The following C9orf85 variants were observed in gnomAD, a reference collection of about 807,000 sequenced individuals.
C9orf85 encodes the protein uncharacterized protein C9orf85.
In C9orf85, 16 loss-of-function variants were observed where a neutral mutation model predicts 14.9. That is an observed-to-expected ratio of 1.08 (90% CI 0.73 to 1.63). The LOEUF (loss-of-function observed/expected upper bound fraction) is 1.63, where lower values mean the gene tolerates loss of function less well. Ranked by LOEUF, C9orf85 falls within the 40% of genes most tolerant of loss-of-function variation. The pLI, the probability that C9orf85 is intolerant of heterozygous loss-of-function variation, is 0.00. For synonymous variants in C9orf85, 45 were observed against 56.8 expected (o/e 0.79, Z 0.93); for missense variants, 172 against 186.1 (o/e 0.92, Z 0.44).
At chr9:71,942,271 G>A (rs910334569) in intron 1 of C9orf85, among the ~76,000 whole-genome samples, 2 of 152,158 alleles carry the variant, frequency 1.3e-5, no homozygotes, top group African/African-American at 4.8e-5. Context: ...TGCGAGCATC[G>A]CTTACTGTAT....
intron 2 of C9orf85, among the ~76,000 whole-genome samples, chr9:71,969,889 A>AT (rs1256272737): frequency 1.3e-5 from 2 of 150,212 alleles, no homozygotes; most frequent in Non-Finnish European, 3.0e-5. Context: ...TCTGTTATTG[A>AT]TTTTTTGTTA....
downstream of C9orf85, among the ~76,000 whole-genome samples, chr9:71,977,902 A>C (rs1823034142): frequency 6.6e-6 from 1 of 152,188 alleles, no homozygotes; most frequent in Non-Finnish European, 1.5e-5. Flanking sequence ...GTCAATCATC[A>C]TACCTACTGA....
At chr9:71,959,012 T>C (rs1459525939) in intron 2 of C9orf85, among the ~76,000 whole-genome samples, 1 of 152,158 alleles carries the variant, frequency 6.6e-6, no homozygotes, top group Non-Finnish European at 1.5e-5. Flanking sequence ...CAATTATTTT[T>C]AACAAAACTT....
chr9:71,961,688 G>A (rs185084582), intron 2 of C9orf85, among the ~76,000 whole-genome samples: 12 of 152,212 alleles, frequency 7.9e-5, no homozygotes, highest in East Asian at 7.7e-4. Context: ...CTGTATTGTC[G>A]TTTGTTGCCC....
chr9:71,923,013 C>T (rs1484625314), intron 1 of C9orf85, among the ~76,000 whole-genome samples: 1 of 152,142 alleles, frequency 6.6e-6, no homozygotes, highest in Admixed American at 6.5e-5. Flanking sequence ...GCCTGTAACC[C>T]CACCTACTCG....
In C9orf85 at chr9:71,968,101, T is replaced by TATATAGAGAGAG. The variant is rs1554709461; in HGVS notation, c.210-3403_210-3402insTATAGAGAGAGA. Among the ~76,000 whole-genome samples, 45 of 146,818 alleles carry TATATAGAGAGAG rather than the reference T, an allele frequency of 3.1e-4. No homozygotes were observed. The East Asian group carries it at 8.4e-3, about 27-fold the overall frequency. On this transcript the variant is annotated intron_variant, in intron 2 of 3. Coordinates refer to ENST00000334731, the MANE Select transcript of C9orf85 (RefSeq NM_182505.5). ...ATCCATTGCTGCATATATATATATATAGAGAGAGAGAGAGAGAGTGCATGC... is the reference window on the plus strand; with the variant it reads ...ATCCATTGCTGCATATATATATATATATATAGAGAGAGAGAGAGAGAGAGAGAGAGTGCATGC...
intron 2 of C9orf85, among the ~76,000 whole-genome samples, chr9:71,967,780 G>T (rs1430492920): frequency 7.1e-6 from 1 of 141,280 alleles, no homozygotes; most frequent in Non-Finnish European, 1.5e-5. Context: ...ATGCTGAAAA[G>T]GAGTGTTGAG....
chr9:71,918,590 A>C (rs1827714773), intron 1 of C9orf85: 2 of 388,798 alleles, frequency 5.1e-6, no homozygotes, highest in South Asian at 2.2e-5. Context: ...ATTTACAGCC[A>C]CTCCCCAACT....
At chr9:71,972,195 T>G (rs1822893105) in intron 3 of C9orf85, among the ~76,000 whole-genome samples, 1 of 152,210 alleles carries the variant, frequency 6.6e-6, no homozygotes, top group South Asian at 2.1e-4. Context: ...CATCATATAT[T>G]AATTTATTTG....
At chr9:71,977,993 G>A (rs61513050), downstream of C9orf85, among the ~76,000 whole-genome samples, 5,961 of 152,266 alleles carry the variant, frequency 0.039, 403 homozygotes, top group African/African-American at 0.14. Context: ...AAGTGGTACA[G>A]TATTTCATCA....
intron 1 of C9orf85, among the ~76,000 whole-genome samples, chr9:71,934,905 A>G (rs1173644305): frequency 1.3e-5 from 2 of 152,156 alleles, no homozygotes; most frequent in Admixed American, 6.5e-5. Flanking sequence ...ATATAATACT[A>G]TAACTATTAC....
intron 1 of C9orf85, among the ~76,000 whole-genome samples, chr9:71,928,402 G>A (rs1297165770): frequency 6.6e-6 from 1 of 152,118 alleles, no homozygotes; most frequent in Non-Finnish European, 1.5e-5. Flanking sequence ...TGCACTGTGA[G>A]GAAGGGACTA....
At chr9:71,949,523 GA>G (rs1227402579) in intron 2 of C9orf85, among the ~76,000 whole-genome samples, 3 of 152,038 alleles carry the variant, frequency 2.0e-5, no homozygotes, top group Non-Finnish European at 4.4e-5. Context: ...TGTAGAGGAG[GA>G]AAAAAGTCCT....
At chr9:71,928,793 TAAAAG>T (rs1248094300) in intron 1 of C9orf85, among the ~76,000 whole-genome samples, 1 of 152,200 alleles carries the variant, frequency 6.6e-6, no homozygotes, top group Non-Finnish European at 1.5e-5. Context: ...AGTATGGAAA[TAAAAG>T]GTAGTATTTT....
At chr9:71,915,045 G>C (rs972866891) in intron 1 of C9orf85, among the ~76,000 whole-genome samples, 1 of 152,138 alleles carries the variant, frequency 6.6e-6, no homozygotes, top group Non-Finnish European at 1.5e-5. Context: ...CTTAGCCCCA[G>C]TTCTGTCATT....
At chr9:71,980,046 C>T (rs1353830787) in intron 3 of C9orf85, among the ~76,000 whole-genome samples, 1 of 138,088 alleles carries the variant, frequency 7.2e-6, no homozygotes, top group Non-Finnish European at 1.5e-5. Flanking sequence ...TGGAGTCTCA[C>T]TCTGTCACCC....
At chr9:71,945,291 A>G (rs1369751126) in intron 1 of C9orf85, among the ~76,000 whole-genome samples, 1 of 152,214 alleles carries the variant, frequency 6.6e-6, no homozygotes, top group Non-Finnish European at 1.5e-5. Context: ...CATGATAACT[A>G]TTAATAAGTA....
intron 1 of C9orf85, among the ~76,000 whole-genome samples, chr9:71,934,418 A>G (rs922620215): frequency 5.9e-5 from 9 of 152,342 alleles, no homozygotes; most frequent in African/African-American, 1.9e-4. Context: ...GCGTCTTGCA[A>G]TAAATGCCTC....
chr9:71,911,822 A>G lies in C9orf85; in HGVS notation c.88A>G (p.Ser30Gly), dbSNP rs759542071. ...CTTCAAAAATGACAAGTTCGATAAAAGTGTGCAGACCAAGGTAGGAACCTG... is the reference window on the plus strand; with the variant it reads ...CTTCAAAAATGACAAGTTCGATAAAGGTGTGCAGACCAAGGTAGGAACCTG... Reference protein sequence around the residue: ...FSFKNDKFDKSVQTKKINAKL... With the variant: ...FSFKNDKFDKGVQTKKINAKL... The change falls in exon 1 of 4, where the codon AGT becomes GGT. Residue 30 changes from serine (S) to glycine (G), a missense_variant. Transcript: ENST00000334731. 6.4e-5 allele frequency: 104 copies of G among 1,614,004 alleles called. No individual in the cohort carries two copies. The East Asian group carries it at 1.6e-3, about 26-fold the overall frequency.
Sources: allele counts gnomAD v4.1 joint callset (sites outside exome capture counted in the v4.1 genomes callset), GRCh38; gene constraint gnomAD v4.1.1; transcripts MANE v1.5; gene names NCBI Gene and HGNC (gene_info 2026-07-23, HGNC 2026-07-21).